The following NLRP7 variants were observed in gnomAD, a reference collection of about 807,000 sequenced individuals.
NLRP7 encodes the protein NACHT, LRR and PYD domains-containing protein 7.
A neutral mutation model predicts 85.5 loss-of-function variants in NLRP7; 72 were observed. That is an observed-to-expected ratio of 0.84 (90% CI 0.70 to 1.02). The LOEUF is 1.02. Ranked by LOEUF, NLRP7 falls within the 50% of genes least tolerant of loss-of-function variation. NLRP7 has a pLI of 0.00. For missense variants in NLRP7, 1,243 were observed against 1,219.5 expected (o/e 1.02, Z -0.29); for synonymous variants, 550 against 505.2 (o/e 1.09, Z -1.19).
chr19:54,938,158 C>A, exon 5 of NLRP7: 1 of 1,613,968 alleles, frequency 6.2e-7, no homozygotes, highest in Non-Finnish European at 8.5e-7. Context: ...GCTGTTTGAG[C>A]TGAAGAGAGA....
intron 9 of NLRP7, among the ~76,000 whole-genome samples, chr19:54,925,714 T>C (rs1004489620): frequency 2.0e-5 from 3 of 151,856 alleles, no homozygotes; most frequent in Admixed American, 2.0e-4. Flanking sequence ...AATAAGTCAC[T>C]GAGGCCGGGC....
intron 1 of NLRP7, among the ~76,000 whole-genome samples, chr19:54,958,013 C>G (rs1452202387): frequency 6.6e-6 from 1 of 151,732 alleles, no homozygotes. Context: ...GTCAGGAGTC[C>G]GAGACTAGCC....
chr19:54,939,518 T>A, exon 4 of NLRP7: 5 of 1,613,248 alleles, frequency 3.1e-6, no homozygotes, highest in Non-Finnish European at 4.2e-6. Flanking sequence ...CCTTTCCAGG[T>A]CCTCTCGGTG....
chr19:54,947,494 A>G (rs1242961619), exon 1 of NLRP7: 1 of 1,289,674 alleles, frequency 7.8e-7, no homozygotes, highest in Non-Finnish European at 1.0e-6. Flanking sequence ...TCTTGCTTCC[A>G]GCCTGTGTTT....
At chr19:54,953,591 C>T (rs1250720124) in intron 1 of NLRP7, among the ~76,000 whole-genome samples, 1 of 149,028 alleles carries the variant, frequency 6.7e-6, no homozygotes, top group Non-Finnish European at 1.5e-5. Context: ...ATTCCTGGGG[C>T]GCGGGGCTGT....
rs771918594 is a variant in NLRP7, at chr19:54,934,439, C to T, written c.2471+50G>A. ...TAAGTCAGGTGTTACCCTTTCTCTTCTATAGCCCCAGAACTAAACCAGAGC... is the reference window on the plus strand; with the variant it reads ...TAAGTCAGGTGTTACCCTTTCTCTTTTATAGCCCCAGAACTAAACCAGAGC... On this transcript the variant is annotated intron_variant, in intron 7 of 9. Transcript: ENST00000340844. This position sits in a 1 kb window ranked among gnomAD's most constrained non-coding sequence, Gnocchi z 6.7. The T allele has an allele frequency of 1.3e-6, 2 of 1,595,422 alleles. No homozygotes were observed. Among genetic ancestry groups the T allele is most frequent in the South Asian group, 1.1e-5 (1 of 90,694 alleles).
chr19:54,954,528 CA>C (rs35846819), intron 1 of NLRP7, among the ~76,000 whole-genome samples: 2,799 of 47,480 alleles, frequency 0.059, 37 homozygotes, highest in African/African-American at 0.2. Context: ...GACTCCGTCT[CA>C]AAAAAAAAAA....
chr19:54,947,186 A>G (rs113726077), intron 1 of NLRP7, among the ~76,000 whole-genome samples: 11,986 of 152,030 alleles, frequency 0.079, 576 homozygotes, highest in African/African-American at 0.13. Flanking sequence ...TTAGCTGGGC[A>G]TGGTGGCACG....
At chr19:54,946,548 T>G (rs748282156) in intron 1 of NLRP7, among the ~76,000 whole-genome samples, 5 of 151,966 alleles carry the variant, frequency 3.3e-5, no homozygotes, top group Non-Finnish European at 2.9e-5. Context: ...TGGAGTGCAG[T>G]GGCTCAATCA....
At chr19:54,926,066 A>G (rs1193401066) in intron 9 of NLRP7, among the ~76,000 whole-genome samples, 3 of 151,900 alleles carry the variant, frequency 2.0e-5, no homozygotes, top group Non-Finnish European at 4.4e-5. Flanking sequence ...CCGTCTCAAA[A>G]AAAAATAAAA....
At chr19:54,946,090 C>T (rs1408758040) in intron 1 of NLRP7, among the ~76,000 whole-genome samples, 1 of 151,288 alleles carries the variant, frequency 6.6e-6, no homozygotes, top group East Asian at 2.0e-4. Flanking sequence ...CGCGCCCGGC[C>T]GAGACAGGGT....
At chr19:54,962,832 C>T (rs1443126193) in intron 1 of NLRP7, among the ~76,000 whole-genome samples, 1 of 151,238 alleles carries the variant, frequency 6.6e-6, no homozygotes, top group African/African-American at 2.4e-5. Context: ...ATCTCCTGAC[C>T]TCGTGATCCG....
At chr19:54,940,354 T>G in exon 4 of NLRP7, 2 of 1,614,148 alleles carry the variant, frequency 1.2e-6, no homozygotes, top group Non-Finnish European at 1.7e-6. Flanking sequence ...GAATGAACCG[T>G]TGGTTTCTCA....
At chr19:54,941,632 G>A (rs1201205380) in exon 2 of NLRP7, 8 of 1,613,948 alleles carry the variant, frequency 5.0e-6, no homozygotes, top group South Asian at 1.1e-5. Flanking sequence ...CCATAAAAGG[G>A]ATTTGAAACT....
intron 1 of NLRP7, among the ~76,000 whole-genome samples, chr19:54,954,620 A>C (rs983645622): frequency 6.6e-6 from 1 of 151,100 alleles, no homozygotes; most frequent in African/African-American, 2.4e-5. Context: ...CGAGGCGGGC[A>C]TATCACCTGA....
chr19:54,926,938 A>T (rs2068467714), intron 9 of NLRP7, among the ~76,000 whole-genome samples: 1 of 143,952 alleles, frequency 6.9e-6, no homozygotes, highest in Non-Finnish European at 1.5e-5. Context: ...AAAAAAAAAA[A>T]AATTAGCCAG....
chr19:54,939,680 C>T (rs2069124382), exon 4 of NLRP7: 1 of 1,613,146 alleles, frequency 6.2e-7, no homozygotes, highest in Non-Finnish European at 8.5e-7. Flanking sequence ...CGGGTCCTCC[C>T]CCTTCTCCAT....
At chr19:54,925,077 G>A (rs1221356069) in intron 9 of NLRP7, among the ~76,000 whole-genome samples, 2 of 152,104 alleles carry the variant, frequency 1.3e-5, no homozygotes, top group Non-Finnish European at 2.9e-5. Flanking sequence ...GAACATGAGG[G>A]GTGGTGATTG....
At chr19:54,951,937 A>G (rs530158070), upstream of NLRP7, among the ~76,000 whole-genome samples, 2 of 152,068 alleles carry the variant, frequency 1.3e-5, no homozygotes, top group Admixed American at 1.3e-4. Flanking sequence ...TATTTTTAGT[A>G]GAGACGCGGT....
Sources: allele counts gnomAD v4.1 joint callset (sites outside exome capture counted in the v4.1 genomes callset), GRCh38; gene constraint gnomAD v4.1.1; non-coding constraint Gnocchi (gnomAD v3.1); transcripts MANE v1.5; gene names NCBI Gene and HGNC (gene_info 2026-07-23, HGNC 2026-07-21).